GRIN3A: variants seen among roughly 807,000 people sequenced by gnomAD.
GRIN3A encodes glutamate receptor ionotropic, NMDA 3A.
In GRIN3A, 47 loss-of-function variants were observed where a neutral mutation model predicts 92.4. The observed-to-expected ratio is 0.51, with a 90% CI of 0.40 to 0.65. The LOEUF (loss-of-function observed/expected upper bound fraction) is 0.65, where lower values mean the gene tolerates loss of function less well. GRIN3A is among the 30% of genes least tolerant of loss of function. The probability of loss-of-function intolerance (pLI) is 0.00; values close to 1 mark genes in which losing one functional copy is unlikely to be tolerated. For synonymous variants in GRIN3A, 527 were observed against 540.6 expected, an observed-to-expected ratio of 0.97 and a Z score of 0.35; for missense variants, 1,324 against 1,393.1, an observed-to-expected ratio of 0.95 and a Z score of 0.79.
At chr9:101,674,318 A>G (rs1031766451) in intron 2 of GRIN3A, among the ~76,000 whole-genome samples, 5 of 152,076 alleles carry the variant, frequency 3.3e-5, no homozygotes, top group African/African-American at 4.8e-5. Flanking sequence ...GGGACTGAAC[A>G]TAAGTCCACA....
chr9:101,584,249 T>A (rs138281307), intron 6 of GRIN3A, among the ~76,000 whole-genome samples: 143 of 152,332 alleles, frequency 9.4e-4, no homozygotes, highest in African/African-American at 3.3e-3. Context: ...CTTAGGCAAC[T>A]CTTTAACTAG....
chr9:101,591,751 C>T (rs545355394), intron 6 of GRIN3A: 2 of 152,232 alleles, frequency 1.3e-5, no homozygotes, highest in Admixed American at 6.5e-5. Context: ...CCCAAATATC[C>T]AGTTAGATCT....
At chr9:101,632,787 C>T (rs1828732631) in intron 3 of GRIN3A, among the ~76,000 whole-genome samples, 1 of 152,074 alleles carries the variant, frequency 6.6e-6, no homozygotes, top group Non-Finnish European at 1.5e-5. Context: ...GTAATTCAGA[C>T]AGCCAGGGAT....
At chr9:101,682,610 C>T (rs1018427803) in intron 2 of GRIN3A, among the ~76,000 whole-genome samples, 46 of 152,332 alleles carry the variant, frequency 3.0e-4, no homozygotes, top group Admixed American at 9.8e-4. Flanking sequence ...TAGGCAAAAA[C>T]ATCCATTCAA....
rs532617704 is a variant in GRIN3A at position 101,624,455 on chromosome 9, A to G, written c.2499-1022T>C. ...TGTTCTCATTGTTCAGTTCCCACCT[A>G]TGAGTGAGAAGATGTGGTGTTTGGT... On this transcript the variant is annotated intron_variant, in intron 4 of 8. Transcript: ENST00000361820. 1.1e-3 allele frequency among the ~76,000 whole-genome samples: 153 copies of G among 138,538 alleles called. 1 individual carries two copies. The highest frequency in any genetic ancestry group is 3.8e-3 in the African/African-American group (141 of 36,810). The allele number at this position is 138,538 out of a possible 152,430, so 90.9% of individuals were successfully genotyped here.
chr9:101,645,767 A>C (rs1291454806), intron 3 of GRIN3A, among the ~76,000 whole-genome samples: 1 of 149,568 alleles, frequency 6.7e-6, no homozygotes, highest in Non-Finnish European at 1.5e-5. Context: ...AAGCCATTTA[A>C]CTGGGTGAAA....
intron 1 of GRIN3A, among the ~76,000 whole-genome samples, chr9:101,700,792 C>T (rs1277173421): frequency 6.6e-6 from 1 of 151,986 alleles, no homozygotes; most frequent in African/African-American, 2.4e-5. Context: ...CAGTAATCCA[C>T]ATAGAATGGT....
At chr9:101,638,146 G>A (rs1028793655) in intron 3 of GRIN3A, among the ~76,000 whole-genome samples, 1 of 152,294 alleles carries the variant, frequency 6.6e-6, no homozygotes, top group Middle Eastern at 3.4e-3. Flanking sequence ...CTGAGCCTCT[G>A]GATGTACCTC....
At chr9:101,644,266 A>G (rs558197091) in intron 3 of GRIN3A, among the ~76,000 whole-genome samples, 1 of 151,976 alleles carries the variant, frequency 6.6e-6, no homozygotes, top group African/African-American at 2.4e-5. Context: ...GCTCATTTCC[A>G]GGTAGACTAT....
Position 101,687,074 on chromosome 9 carries a change from T to C in GRIN3A, c.826A>G (p.Ile276Val), listed in dbSNP as rs767987305. 3 of 1,614,170 alleles carry C rather than the reference T, an allele frequency of 1.9e-6. No homozygotes were observed. The Admixed American group carries it at 5.0e-5, about 27-fold the overall frequency. The part of the protein sequence containing the change: ...SLLLCQEDWN[I>V]TDFLLLTQNN... Reference sequence around the variant, plus strand: ...TGGGTAAGGAGGAGGAAGTCGGTGATGTTCCAGTCTTCCTGGCACAGCAAC... The same window carrying C: ...TGGGTAAGGAGGAGGAAGTCGGTGACGTTCCAGTCTTCCTGGCACAGCAAC... The change falls in exon 2 of 9, where the codon ATC becomes GTC. Residue 276 changes from isoleucine to valine, a missense_variant. Ile to Val is a conservative substitution (Grantham distance 29, BLOSUM62 3). Transcript: ENST00000361820.
chr9:101,714,362 CAT>C (rs1829919023), intron 1 of GRIN3A, among the ~76,000 whole-genome samples: 1 of 152,062 alleles, frequency 6.6e-6, no homozygotes, highest in African/African-American at 2.4e-5. Flanking sequence ...GCTTTGGAAA[CAT>C]AAAAAGCTTG....
At chr9:101,686,271 C>T (rs1829531722) in intron 2 of GRIN3A, among the ~76,000 whole-genome samples, 1 of 152,080 alleles carries the variant, frequency 6.6e-6, no homozygotes, top group Non-Finnish European at 1.5e-5. Flanking sequence ...CCAAGCTATT[C>T]ATTATTCTAT....
chr9:101,579,538 G>A (rs955613071), intron 6 of GRIN3A, among the ~76,000 whole-genome samples, 178 bp from the exon 7 acceptor site: 1 of 152,170 alleles, frequency 6.6e-6, no homozygotes, highest in African/African-American at 2.4e-5. Flanking sequence ...AATTCAGCCA[G>A]GGTTGGACTG....
chr9:101,632,838 A>G (rs1238012539), intron 3 of GRIN3A, among the ~76,000 whole-genome samples: 8 of 152,232 alleles, frequency 5.3e-5, no homozygotes, highest in African/African-American at 1.9e-4. Context: ...AAAAGTGTAC[A>G]AACAGCTTAA....
chr9:101,624,197 C>A (rs1828597290), intron 4 of GRIN3A, among the ~76,000 whole-genome samples: 1 of 151,776 alleles, frequency 6.6e-6, no homozygotes, highest in Non-Finnish European at 1.5e-5. Flanking sequence ...GACTATCATT[C>A]CTTTTTTAAA....
Position 101,670,804 on chromosome 9 carries a change from C to A in GRIN3A, c.1608G>T (p.Leu536Phe), listed in dbSNP as rs1462478231. 1 of 1,613,948 alleles carries A rather than the reference C, an allele frequency of 6.2e-7. No individual in the cohort carries two copies. Among genetic ancestry groups the A allele is most frequent in the Non-Finnish European group, 8.5e-7 (1 of 1,179,988 alleles). ...CTAGACAGAGTTGGCCAGCAGGGCA[C>A]AAGCCTTCATCATCTACCTCCCTTG... ...VFTREVDDEG[L>F]CPAGQLCLDP... Residue 536 changes from leucine (L) to phenylalanine (F), a missense_variant, in exon 3 of 9, where the codon TTG becomes TTT. Coordinates refer to ENST00000361820, the MANE Select transcript of GRIN3A (RefSeq NM_133445.3).
chr9:101,639,457 A>C (rs1403469312), intron 3 of GRIN3A, among the ~76,000 whole-genome samples: 2 of 152,152 alleles, frequency 1.3e-5, no homozygotes, highest in Non-Finnish European at 2.9e-5. Flanking sequence ...TGACCTGTGG[A>C]CTGTGGAACT....
chr9:101,738,313 G>C lies in GRIN3A; in HGVS notation c.-334C>G. On this transcript the variant is annotated 5_prime_UTR_variant, in exon 1 of 9. Coordinates refer to ENST00000361820, the MANE Select transcript of GRIN3A (RefSeq NM_133445.3). ...ATCTGCAGGGCGCCTCGGGCACTGC[G>C]TCCGGCCCCGCGAGGCGGCCGGGAT... 1 of 353,196 alleles carries C rather than the reference G, an allele frequency of 2.8e-6. No individual in the cohort carries two copies. Among genetic ancestry groups the C allele is most frequent in the South Asian group, 3.1e-5 (1 of 31,932 alleles). 21.9% of individuals were successfully genotyped at this position (353,196 alleles called of 1,614,324 possible).
At position 101,721,316 on chromosome 9, in the gene GRIN3A, G is replaced by A. The variant is rs934572122; in HGVS notation, c.699+15965C>T. ...ATGTAAGAAGTGCCTTTTGCCTCCC[G>A]CCATGATTCTAAGGCTTCCCCAGAC... On this transcript the variant is annotated intron_variant, in intron 1 of 8. Coordinates refer to ENST00000361820, the MANE Select transcript of GRIN3A (RefSeq NM_133445.3). Among the ~76,000 whole-genome samples the A allele has an allele frequency of 2.6e-5, 4 of 152,188 alleles. No individual in the cohort carries two copies. In the East Asian group the frequency reaches 5.8e-4, roughly 22 times the overall value.
Sources: allele counts gnomAD v4.1 joint callset (sites outside exome capture counted in the v4.1 genomes callset), GRCh38; gene constraint gnomAD v4.1.1; transcripts MANE v1.5; gene names NCBI Gene and HGNC (gene_info 2026-07-23, HGNC 2026-07-21).